Variants in GNAQ observed in about 807,000 individuals in gnomAD.
GNAQ encodes the protein G protein subunit alpha q.
A neutral mutation model predicts 43.9 loss-of-function variants in GNAQ; 8 were observed. The observed-to-expected ratio is 0.18, with a 90% CI of 0.11 to 0.33. The LOEUF is 0.33. GNAQ is among the 10% of genes least tolerant of loss of function. The probability of loss-of-function intolerance (pLI) is 1.00; values close to 1 mark genes in which losing one functional copy is unlikely to be tolerated. For missense variants in GNAQ, 158 were observed against 450.8 expected (o/e 0.35, Z 5.88); for synonymous variants, 155 against 170.7 (o/e 0.91, Z 0.71).
chr9:77,924,258 T>A (rs770673557), intron 1 of GNAQ, among the ~76,000 whole-genome samples: 5 of 152,170 alleles, frequency 3.3e-5, no homozygotes, highest in Non-Finnish European at 5.9e-5. Flanking sequence ...AAAACTACCA[T>A]CTCTCTAGTA....
At chr9:77,905,596 G>A (rs1828692885) in intron 2 of GNAQ, among the ~76,000 whole-genome samples, 1 of 152,168 alleles carries the variant, frequency 6.6e-6, no homozygotes, top group South Asian at 2.1e-4. Context: ...CAGGAACATG[G>A]GGCATAAACT....
rs541470178 is a variant in GNAQ, at chr9:77,742,982, G to A, written c.736-14315C>T. Among the ~76,000 whole-genome samples, 6 of 152,344 alleles carry A rather than the reference G, an allele frequency of 3.9e-5. No homozygotes were observed. In the South Asian group the frequency reaches 1.2e-3, roughly 32 times the overall value. On this transcript the variant is annotated intron_variant, in intron 5 of 6. Coordinates refer to ENST00000286548, the MANE Select transcript of GNAQ (RefSeq NM_002072.5). ...CTACTAGAAAGATCAGCAGGAGGCT[G>A]GGCGCCGTGGCTCACGCCTGTAATC...
At chr9:77,826,342 A>G (rs748502070) in intron 2 of GNAQ, among the ~76,000 whole-genome samples, 1 of 152,058 alleles carries the variant, frequency 6.6e-6, no homozygotes, top group Non-Finnish European at 1.5e-5. Context: ...TGTGATAAGG[A>G]AGCTTGTGAA....
chr9:77,921,487 G>A (rs1172596479), intron 2 of GNAQ, among the ~76,000 whole-genome samples: 1 of 152,198 alleles, frequency 6.6e-6, no homozygotes, highest in African/African-American at 2.4e-5. Flanking sequence ...AAGTGGGATG[G>A]TATTCTACTT....
intron 2 of GNAQ, among the ~76,000 whole-genome samples, chr9:77,896,898 T>G (rs1203656582): frequency 2.0e-5 from 3 of 152,276 alleles, no homozygotes; most frequent in African/African-American, 7.2e-5. Context: ...CTTCACTATT[T>G]GTCATAAAAG....
At position 78,031,646 on chromosome 9, in the gene GNAQ, A is replaced by C. The variant is rs1564184606; in HGVS notation, c.-411T>G. ...CCTACGCCGTGCGCCTGGCGGCGAGAGCTCATTCACCGGGGTGTCCCCGCA... is the reference window on the plus strand; with the variant it reads ...CCTACGCCGTGCGCCTGGCGGCGAGCGCTCATTCACCGGGGTGTCCCCGCA... On this transcript the variant is annotated 5_prime_UTR_variant, in exon 1 of 7. Transcript: ENST00000286548. 6.8e-6 allele frequency among the ~76,000 whole-genome samples: 1 copy of C among 146,420 alleles called. No homozygotes were observed. The highest frequency in any genetic ancestry group is 6.7e-5 in the Admixed American group (1 of 14,840).
intron 5 of GNAQ, among the ~76,000 whole-genome samples, chr9:77,729,495 A>T (rs907762440): frequency 3.3e-5 from 5 of 151,780 alleles, no homozygotes; most frequent in Non-Finnish European, 4.4e-5. Context: ...GAGTTAAATC[A>T]TTCCTCTGAA....
At chr9:77,873,329 C>G (rs1828073449) in intron 2 of GNAQ, among the ~76,000 whole-genome samples, 1 of 152,188 alleles carries the variant, frequency 6.6e-6, no homozygotes. Context: ...TTAGGCTTAA[C>G]TTTACCCCCA....
intron 2 of GNAQ, among the ~76,000 whole-genome samples, chr9:77,817,512 G>C (rs770702494): frequency 2.6e-4 from 40 of 152,030 alleles, no homozygotes; most frequent in Non-Finnish European, 4.7e-4. Flanking sequence ...CATAACACTG[G>C]TCATAACCTT....
chr9:77,826,781 T>C (rs984197090), intron 2 of GNAQ, among the ~76,000 whole-genome samples: 3 of 152,176 alleles, frequency 2.0e-5, no homozygotes, highest in African/African-American at 7.2e-5. Context: ...TACAAAACAG[T>C]ATAGTAATAG....
At chr9:77,850,055 T>G (rs1286956193) in intron 2 of GNAQ, among the ~76,000 whole-genome samples, 1 of 152,200 alleles carries the variant, frequency 6.6e-6, no homozygotes, top group Non-Finnish European at 1.5e-5. Context: ...CCTTACCTAT[T>G]CAGCCAGGCT....
rs574992587 is a variant in GNAQ at position 77,838,137 on chromosome 9, A to ATTT, written c.322-22370_322-22368dup. ...AGTCCTGGGATTACAGGCATTAATG[A>ATTT]TTTTTTTTTTTTTTTTTTTTTTTGA... On this transcript the variant is annotated intron_variant, in intron 2 of 6. Coordinates refer to ENST00000286548, the MANE Select transcript of GNAQ (RefSeq NM_002072.5). Among the ~76,000 whole-genome samples, 256 of 87,100 alleles carry ATTT rather than the reference A, an allele frequency of 2.9e-3. 4 individuals are homozygous for ATTT. Among genetic ancestry groups the ATTT allele is most frequent in the African/African-American group, 5.7e-3 (124 of 21,750 alleles). The allele number at this position is 87,100 out of a possible 152,430, so 57.1% of individuals were successfully genotyped here. A position where few individuals can be genotyped will look rare whatever the true frequency, so the allele number is the denominator to read the frequency against.
chr9:77,738,596 G>A (rs1825608237), intron 5 of GNAQ, among the ~76,000 whole-genome samples: 1 of 151,884 alleles, frequency 6.6e-6, no homozygotes, highest in African/African-American at 2.4e-5. Context: ...TTATTTTATG[G>A]CAGTATATCC....
At chr9:77,944,961 G>T (rs1415702611) in intron 1 of GNAQ, among the ~76,000 whole-genome samples, 1 of 152,196 alleles carries the variant, frequency 6.6e-6, no homozygotes, top group African/African-American at 2.4e-5. Flanking sequence ...AACACCAGGG[G>T]TCTCAACCCA....
intron 1 of GNAQ, among the ~76,000 whole-genome samples, chr9:77,962,147 G>C (rs756994997): frequency 1.1e-4 from 16 of 151,924 alleles, no homozygotes; most frequent in Non-Finnish European, 2.4e-4. Context: ...GGGAAAAAAA[G>C]ACAGAAAAAA....
intron 5 of GNAQ, among the ~76,000 whole-genome samples, chr9:77,759,331 G>C (rs1400265822): frequency 6.6e-6 from 1 of 152,120 alleles, no homozygotes; most frequent in East Asian, 1.9e-4. Flanking sequence ...TTAGAAAACA[G>C]CTGGATGTTA....
intron 1 of GNAQ, among the ~76,000 whole-genome samples, chr9:77,946,232 A>G (rs1266581134): frequency 6.6e-6 from 1 of 152,216 alleles, no homozygotes; most frequent in African/African-American, 2.4e-5. Flanking sequence ...TGATGTGTCC[A>G]GAAAAAGGGT....
At chr9:77,954,543 C>A (rs1823019920) in intron 1 of GNAQ, among the ~76,000 whole-genome samples, 2 of 152,168 alleles carry the variant, frequency 1.3e-5, no homozygotes, top group African/African-American at 4.8e-5. Context: ...TCCTCCATGC[C>A]TCATAATTTC....
intron 3 of GNAQ, among the ~76,000 whole-genome samples, chr9:77,812,985 T>A (rs1159115805): frequency 6.6e-6 from 1 of 152,058 alleles, no homozygotes; most frequent in African/African-American, 2.4e-5. Flanking sequence ...CGATCTTGGC[T>A]CACCGCAACC....
Sources: allele counts gnomAD v4.1 joint callset (sites outside exome capture counted in the v4.1 genomes callset), GRCh38; gene constraint gnomAD v4.1.1; transcripts MANE v1.5; gene names NCBI Gene and HGNC (gene_info 2026-07-23, HGNC 2026-07-21).